Variants in CWF19L2 observed in about 807,000 individuals in gnomAD.
The protein encoded by CWF19L2 is CWF19-like protein 2.
Under a neutral mutation model 111.7 loss-of-function variants are expected in CWF19L2, and 98 were observed. That is an observed-to-expected ratio of 0.88 (90% CI 0.75 to 1.04). The LOEUF (loss-of-function observed/expected upper bound fraction) is 1.04. Among genes scored for constraint, CWF19L2 ranks in the 50% least tolerant of loss-of-function variants. The probability of loss-of-function intolerance (pLI) is 0.00; values close to 1 mark genes in which losing one functional copy is unlikely to be tolerated. For missense variants in CWF19L2, 1,101 were observed against 1,051.4 expected (o/e 1.05, Z -0.65); for synonymous variants, 351 against 342.9 (o/e 1.02, Z -0.26).
chr11:107,351,799 T>A (rs1860159658), intron 13 of CWF19L2, among the ~76,000 whole-genome samples: 1 of 152,164 alleles, frequency 6.6e-6, no homozygotes. Context: ...TCCAAGACTA[T>A]GCCTCAAGAG....
At position 107,390,073 on chromosome 11, in the gene CWF19L2, C is replaced by T; in HGVS notation, c.1872+1G>A. 1 of 1,612,190 alleles carries T rather than the reference C, an allele frequency of 6.2e-7. No homozygotes were observed. Reference sequence around the variant, plus strand: ...AGAGGTATCCTAGGAATATATCTTACCTTAGATGCCATTCTCATAAAGAGC... The same window carrying T: ...AGAGGTATCCTAGGAATATATCTTATCTTAGATGCCATTCTCATAAAGAGC... On this transcript the variant is annotated splice_donor_variant, in intron 12 of 17. Coordinates refer to ENST00000282251, the MANE Select transcript of CWF19L2 (RefSeq NM_152434.3). LOFTEE classifies it high-confidence loss of function.
chr11:107,336,579 G>A lies in CWF19L2; in HGVS notation c.2337C>T (p.Asp779=), dbSNP rs1282546013. The A allele has an allele frequency of 4.4e-6, 7 of 1,603,368 alleles. No homozygotes were observed. In the Admixed American group the frequency reaches 1.2e-4, roughly 28 times the overall value. ...ECIPLPKEVG[D]MAPIYFKKAI... Reference sequence around the variant, plus strand: ...ACACCTTAAAATAGATGGGAGCCATGTCACCCACTTCCTTGGGAAGAGGAA... The same window carrying A: ...ACACCTTAAAATAGATGGGAGCCATATCACCCACTTCCTTGGGAAGAGGAA... Residue 779 remains aspartate (D), a synonymous_variant, in exon 15 of 18, where the codon GAC becomes GAT. Transcript: ENST00000282251.
At chr11:107,426,311 A>G (rs1208437959) in intron 8 of CWF19L2, among the ~76,000 whole-genome samples, 1 of 151,900 alleles carries the variant, frequency 6.6e-6, no homozygotes, top group Admixed American at 6.6e-5. Context: ...AACTACACAT[A>G]TGGCAAAGAT....
chr11:107,385,373 A>C, intron 12 of CWF19L2, among the ~76,000 whole-genome samples: 1 of 152,272 alleles, frequency 6.6e-6, no homozygotes, highest in Non-Finnish European at 1.5e-5. Context: ...TCAAGATATT[A>C]ATACAACACT....
Position 107,415,904 on chromosome 11 carries a change from C to T in CWF19L2, c.1617+305G>A, listed in dbSNP as rs549115736. On this transcript the variant is annotated intron_variant, in intron 10 of 17. Transcript: ENST00000282251. Reference sequence around the variant, plus strand: ...TTTGAGGTCAGGAGTTTGAGACCAGCCTGGCCAACATGGTGAAACCCATTT... The same window carrying T: ...TTTGAGGTCAGGAGTTTGAGACCAGTCTGGCCAACATGGTGAAACCCATTT... Among the ~76,000 whole-genome samples the T allele has an allele frequency of 1.7e-4, 26 of 152,100 alleles. No individual in the cohort carries two copies. The East Asian group carries it at 5.0e-3, about 29-fold the overall frequency.
chr11:107,345,444 A>G (rs1008479318), intron 14 of CWF19L2: 10 of 453,354 alleles, frequency 2.2e-5, no homozygotes, highest in Non-Finnish European at 3.6e-5. Context: ...ATGTTTGTTC[A>G]TACTCCCTTT....
intron 6 of CWF19L2, among the ~76,000 whole-genome samples, 182 bp from the exon 7 acceptor site, chr11:107,433,931 T>C (rs1157660155): frequency 1.4e-5 from 2 of 142,646 alleles, no homozygotes; most frequent in African/African-American, 5.1e-5. Flanking sequence ...TTTCAGTGCC[T>C]ATATGTAAGC....
chr11:107,447,315 C>G (rs556117258), intron 3 of CWF19L2, among the ~76,000 whole-genome samples: 2 of 152,108 alleles, frequency 1.3e-5, no homozygotes, highest in South Asian at 4.2e-4. Context: ...AGAAAGGGTG[C>G]CAGAAATCTA....
chr11:107,386,465 T>C (rs568271183), intron 12 of CWF19L2, among the ~76,000 whole-genome samples: 2 of 152,338 alleles, frequency 1.3e-5, no homozygotes, highest in Admixed American at 1.3e-4. Flanking sequence ...CATGCTTTTT[T>C]CCTTATTGGA....
intron 10 of CWF19L2, among the ~76,000 whole-genome samples, chr11:107,409,353 T>C (rs1861125674): frequency 6.6e-6 from 1 of 152,112 alleles, no homozygotes; most frequent in East Asian, 1.9e-4. Flanking sequence ...ATTCCTCAAT[T>C]TCTTTAAAGA....
intron 12 of CWF19L2, among the ~76,000 whole-genome samples, chr11:107,367,394 A>G: frequency 7.9e-6 from 1 of 125,958 alleles, no homozygotes; most frequent in African/African-American, 3.2e-5. Context: ...TTATTGAGGC[A>G]TTATTCACAA....
At chr11:107,386,237 C>T (rs904689756) in intron 12 of CWF19L2, among the ~76,000 whole-genome samples, 10 of 152,080 alleles carry the variant, frequency 6.6e-5, no homozygotes, top group African/African-American at 2.2e-4. Context: ...AGGTCTTGAA[C>T]TCCTGGCCTC....
Position 107,439,983 on chromosome 11 carries a change from A to T in CWF19L2, c.571-800T>A, listed in dbSNP as rs185669113. Among the ~76,000 whole-genome samples the T allele has an allele frequency of 2.6e-3, 398 of 152,298 alleles. 1 individual carries two copies. The highest frequency in any genetic ancestry group is 4.4e-3 in the Non-Finnish European group (300 of 68,026). ...GCTGTGGCAGTAATCCAGGCAACAGATGATAGTAGCCTAATCACAATGCAA... is the reference window on the plus strand; with the variant it reads ...GCTGTGGCAGTAATCCAGGCAACAGTTGATAGTAGCCTAATCACAATGCAA... On this transcript the variant is annotated intron_variant, in intron 5 of 17. Coordinates refer to ENST00000282251, the MANE Select transcript of CWF19L2 (RefSeq NM_152434.3).
At chr11:107,403,487 C>G (rs1442813205) in intron 10 of CWF19L2, 1 of 838,590 alleles carries the variant, frequency 1.2e-6, no homozygotes, top group African/African-American at 1.7e-5. Flanking sequence ...GTTACTATCA[C>G]TGGTTCCTTC....
chr11:107,349,104 T>C, intron 13 of CWF19L2, 51 bp from the exon 14 acceptor site: 2 of 903,204 alleles, frequency 2.2e-6, no homozygotes, highest in Admixed American at 5.0e-5. Flanking sequence ...TTATATGTTA[T>C]ATATTTATAT....
rs138075540 is a variant in CWF19L2, at chr11:107,346,308, A to G, written c.2202+2629T>C. Among the ~76,000 whole-genome samples the G allele has an allele frequency of 1.7e-3, 257 of 152,320 alleles. 1 individual carries two copies. Among genetic ancestry groups the G allele is most frequent in the East Asian group, 6.9e-3 (36 of 5,190 alleles). ...TTATGCAACAGAACAGAACACATTT[A>G]TCTCTACTCTCTCCACAGAGTAACA... is the stretch of plus-strand genomic sequence containing the variant. On this transcript the variant is annotated intron_variant, in intron 14 of 17. Coordinates refer to ENST00000282251, the MANE Select transcript of CWF19L2 (RefSeq NM_152434.3).
chr11:107,414,430 T>C (rs1861198292), intron 10 of CWF19L2, among the ~76,000 whole-genome samples: 1 of 152,196 alleles, frequency 6.6e-6, no homozygotes, highest in Non-Finnish European at 1.5e-5. Flanking sequence ...ACTACATTTA[T>C]GCCTGTGATT....
chr11:107,388,160 T>C (rs1026603485), intron 12 of CWF19L2, among the ~76,000 whole-genome samples: 1 of 152,230 alleles, frequency 6.6e-6, no homozygotes, highest in African/African-American at 2.4e-5. Flanking sequence ...GTTGAAAATA[T>C]CATCGCAGCT....
intron 12 of CWF19L2, among the ~76,000 whole-genome samples, chr11:107,371,630 T>A (rs1860512519): frequency 7.2e-6 from 1 of 138,014 alleles, no homozygotes; most frequent in Non-Finnish European, 1.6e-5. Context: ...TATCATCATT[T>A]TTGAAATTTA....
Sources: allele counts gnomAD v4.1 joint callset (sites outside exome capture counted in the v4.1 genomes callset), GRCh38; gene constraint gnomAD v4.1.1; transcripts MANE v1.5; gene names NCBI Gene and HGNC (gene_info 2026-07-23, HGNC 2026-07-21).